The following SCML4 variants were observed in gnomAD, a reference collection of about 807,000 sequenced individuals.
SCML4 encodes the protein sex comb on midleg-like protein 4.
In SCML4, 34 loss-of-function variants were observed where a neutral mutation model predicts 41.1. The observed-to-expected ratio is 0.83, with a 90% CI of 0.63 to 1.10. SCML4 has a LOEUF of 1.10. SCML4 is among the 50% of genes least tolerant of loss of function. The pLI, the probability that SCML4 is intolerant of heterozygous loss-of-function variation, is 0.00. For missense variants in SCML4, 522 were observed against 534.1 expected (o/e 0.98, Z 0.22); for synonymous variants, 214 against 220.9 (o/e 0.97, Z 0.28).
chr6:107,804,344 GAGGCCAGGCCCCA>G (rs1269403994), intron 1 of SCML4, among the ~76,000 whole-genome samples: 5 of 152,156 alleles, frequency 3.3e-5, no homozygotes, highest in Admixed American at 6.5e-5. Flanking sequence ...ATAGTTACTG[GAGGCCAGGCCCCA>G]AGGCCAGGCC....
chr6:107,793,112 G>A (rs1782460037), intron 1 of SCML4, among the ~76,000 whole-genome samples: 1 of 152,152 alleles, frequency 6.6e-6, no homozygotes, highest in African/African-American at 2.4e-5. Context: ...ACAAGGTGGA[G>A]GCACAATGTG....
chr6:107,796,634 T>C (rs1310470990), intron 1 of SCML4, among the ~76,000 whole-genome samples: 1 of 152,148 alleles, frequency 6.6e-6, no homozygotes, highest in African/African-American at 2.4e-5. Context: ...TAAGCAAAAG[T>C]TTTAAATGTT....
At chr6:107,721,823 A>C (rs1186284033) in intron 5 of SCML4, among the ~76,000 whole-genome samples, 2 of 152,174 alleles carry the variant, frequency 1.3e-5, no homozygotes, top group Non-Finnish European at 2.9e-5. Flanking sequence ...ACGGCTAACA[A>C]GCAGGGATGC....
intron 1 of SCML4, among the ~76,000 whole-genome samples, chr6:107,780,551 A>G (rs1781402128): frequency 6.6e-6 from 1 of 152,082 alleles, no homozygotes; most frequent in Admixed American, 6.5e-5. Context: ...TACAAAAAAT[A>G]CAAAAATTAG....
chr6:107,751,068 G>C (rs2114510624), intron 2 of SCML4, among the ~76,000 whole-genome samples: 1 of 152,258 alleles, frequency 6.6e-6, no homozygotes, highest in South Asian at 2.1e-4. Context: ...CACTCTTCCA[G>C]CTGCTACGGA....
chr6:107,716,504 C>G (rs1005321664), intron 6 of SCML4, among the ~76,000 whole-genome samples: 5 of 152,218 alleles, frequency 3.3e-5, no homozygotes, highest in African/African-American at 1.2e-4. Context: ...TGTAGGTGTT[C>G]AATAAATAAC....
chr6:107,734,248 C>T (rs957089050), intron 5 of SCML4, among the ~76,000 whole-genome samples: 1 of 152,128 alleles, frequency 6.6e-6, no homozygotes, highest in African/African-American at 2.4e-5. Flanking sequence ...ATCTTTAATC[C>T]ACAAAATAAA....
At chr6:107,748,812 G>T (rs753765967) in intron 3 of SCML4, among the ~76,000 whole-genome samples, 1 of 152,200 alleles carries the variant, frequency 6.6e-6, no homozygotes, top group Non-Finnish European at 1.5e-5. Context: ...CCATCTGGGG[G>T]ACCCTGGCAG....
chr6:107,757,548 G>A (rs1292997804), intron 2 of SCML4, among the ~76,000 whole-genome samples: 1 of 152,244 alleles, frequency 6.6e-6, no homozygotes, highest in East Asian at 1.9e-4. Flanking sequence ...CACATGCAAA[G>A]GAATACCAGC....
At chr6:107,796,559 A>C (rs897746973) in intron 1 of SCML4, among the ~76,000 whole-genome samples, 6 of 152,176 alleles carry the variant, frequency 3.9e-5, no homozygotes, top group Non-Finnish European at 5.9e-5. Flanking sequence ...TGACAAATAT[A>C]AGTACTGAAA....
Position 107,746,727 on chromosome 6 carries a change from GAGA to G in SCML4, c.446_448del (p.Phe149del). 1 of 1,614,168 alleles carries G rather than the reference GAGA, an allele frequency of 6.2e-7. No individual in the cohort carries two copies. The highest frequency in any genetic ancestry group is 8.5e-7 in the Non-Finnish European group (1 of 1,180,020). ...ACCACCATAGCCCTGCTTGACCAGG[GAGA>G]AGACCAGCTTCTGCTGGTGGGCGCA... On this transcript the variant is annotated inframe_deletion, in exon 4 of 8. Coordinates refer to ENST00000369020, the MANE Select transcript of SCML4 (RefSeq NM_198081.5).
At chr6:107,741,993 T>C (rs1370606373) in intron 5 of SCML4, among the ~76,000 whole-genome samples, 1 of 152,084 alleles carries the variant, frequency 6.6e-6, no homozygotes, top group Admixed American at 6.6e-5. Flanking sequence ...TGACCAAGAA[T>C]TCAAAATAGT....
the SCML4 span, among the ~76,000 whole-genome samples, chr6:107,844,165 G>C: frequency 1.3e-5 from 2 of 152,170 alleles, no homozygotes; most frequent in African/African-American, 4.8e-5. Context: ...GCTATTAAAT[G>C]ATGGGAAACA....
the SCML4 span, among the ~76,000 whole-genome samples, chr6:107,845,351 C>A: frequency 6.6e-6 from 1 of 152,306 alleles, no homozygotes; most frequent in East Asian, 1.9e-4. Flanking sequence ...CCCAGAGGCC[C>A]CGACCACCAG....
At chr6:107,839,385 GAAA>G in the SCML4 span, among the ~76,000 whole-genome samples, 1 of 141,514 alleles carries the variant, frequency 7.1e-6, no homozygotes, top group African/African-American at 2.8e-5. Flanking sequence ...AAGAAAGAAA[GAAA>G]GAAAGAAAGA....
intron 2 of SCML4, among the ~76,000 whole-genome samples, chr6:107,750,106 C>A (rs899569739): frequency 6.6e-6 from 1 of 152,174 alleles, no homozygotes; most frequent in African/African-American, 2.4e-5. Context: ...CATCCATGAA[C>A]GCTTTGAGTG....
intron 1 of SCML4, among the ~76,000 whole-genome samples, chr6:107,776,336 AT>A (rs1168434518): frequency 6.6e-6 from 1 of 152,212 alleles, no homozygotes; most frequent in Non-Finnish European, 1.5e-5. Context: ...ATTGAAACTA[AT>A]AGCAAAAACC....
chr6:107,796,540 C>A (rs1471923529), intron 1 of SCML4, among the ~76,000 whole-genome samples: 1 of 152,154 alleles, frequency 6.6e-6, no homozygotes, highest in East Asian at 1.9e-4. Flanking sequence ...ATTCTAGAGA[C>A]AAGTCCCATG....
the SCML4 span, among the ~76,000 whole-genome samples, chr6:107,831,986 C>T: frequency 6.7e-6 from 1 of 150,224 alleles, no homozygotes; most frequent in Non-Finnish European, 1.5e-5. Context: ...TGGCGTGAAC[C>T]CGGGAGGTGG....
Sources: gnomAD v4.1 joint callset for allele counts (sites outside exome capture counted in the v4.1 genomes callset) on GRCh38, gnomAD v4.1.1 for gene constraint, MANE v1.5 for transcripts, NCBI Gene and HGNC (gene_info 2026-07-23, HGNC 2026-07-21) for gene names.